Variants in EPAS1 observed in about 807,000 individuals in gnomAD.
EPAS1 encodes the protein endothelial PAS domain protein 1.
Under a neutral mutation model 87.9 loss-of-function variants are expected in EPAS1, and 23 were observed. The ratio of observed to expected loss-of-function variants is 0.26; its 90% CI spans 0.19 to 0.37. The LOEUF (loss-of-function observed/expected upper bound fraction) is 0.37, where lower values mean the gene tolerates loss of function less well. Among genes scored for constraint, EPAS1 ranks in the 10% least tolerant of loss-of-function variants. EPAS1 has a pLI of 1.00. For synonymous variants in EPAS1, 508 were observed against 444.3 expected (o/e 1.14, Z -1.80); for missense variants, 1,138 against 1,120.7 (o/e 1.02, Z -0.22).
chr2:46,380,551 C>A lies in EPAS1; in HGVS notation c.1879C>A (p.Pro627Thr). 6.2e-7 allele frequency: 1 copy of A among 1,614,188 alleles called. No individual in the cohort carries two copies. The highest frequency in any genetic ancestry group is 1.7e-5 in the Admixed American group (1 of 60,032). Residue 627 changes from proline (P) to threonine (T), a missense_variant, in exon 12 of 16, where the codon CCT becomes ACT. Physicochemically the swap from Pro to Thr is conservative, Grantham distance 38. Transcript: ENST00000263734. This position sits in a 1 kb window ranked among gnomAD's most constrained non-coding sequence, Gnocchi z 4.4. ...LPPCCGQASTPLSSMGGRSNT... is the reference protein window; with the variant it reads ...LPPCCGQASTTLSSMGGRSNT... ...ACCGTGCTGTGGCCAGGCCAGCACC[C>A]CTCTCTCTTCCATGGGGGGCAGATC...
At chr2:46,359,724 G>A (rs771699599) in intron 4 of EPAS1, among the ~76,000 whole-genome samples, 3 of 152,076 alleles carry the variant, frequency 2.0e-5, no homozygotes, top group African/African-American at 4.8e-5. Context: ...GTGACTATTC[G>A]AAACAAGGCT....
chr2:46,309,890 G>T (rs866356934), intron 1 of EPAS1, among the ~76,000 whole-genome samples: 119 of 152,302 alleles, frequency 7.8e-4, no homozygotes, highest in African/African-American at 2.7e-3. Flanking sequence ...ATGAGAAGCT[G>T]CTCAGGGCAT....
intron 6 of EPAS1, among the ~76,000 whole-genome samples, chr2:46,368,894 G>A (rs1342597139): frequency 6.6e-6 from 1 of 152,184 alleles, no homozygotes; most frequent in Non-Finnish European, 1.5e-5. Flanking sequence ...GGGTAAAGCG[G>A]CCAACCTGGT....
At chr2:46,369,170 C>T (rs1044370005) in intron 6 of EPAS1, among the ~76,000 whole-genome samples, 5 of 152,172 alleles carry the variant, frequency 3.3e-5, no homozygotes, top group East Asian at 1.9e-4. Context: ...TTGCCTCCCT[C>T]GTTTCCTTGA....
At chr2:46,335,507 GT>G (rs1364995395) in intron 1 of EPAS1, among the ~76,000 whole-genome samples, 1 of 150,828 alleles carries the variant, frequency 6.6e-6, no homozygotes, top group Non-Finnish European at 1.5e-5. Context: ...GTCCAGCTCT[GT>G]TTTCTCATGA....
intron 1 of EPAS1, among the ~76,000 whole-genome samples, chr2:46,332,231 C>G (rs1425121056): frequency 6.0e-5 from 9 of 149,948 alleles, no homozygotes. Context: ...TTTCAGTTCC[C>G]TGTCACCTGT....
At position 46,356,142 on chromosome 2, in the gene EPAS1, C is replaced by CCT. The variant is rs1553394876; in HGVS notation, c.218-8_218-7dup. The CCT allele has an allele frequency of 1.4e-3, 1,916 of 1,374,212 alleles. 11 individuals carry two copies. The highest frequency in any genetic ancestry group is 8.2e-3 in the African/African-American group (586 of 71,504). The allele number at this position is 1,374,212 out of a possible 1,614,324, so 85.1% of individuals were successfully genotyped here. A position where few individuals can be genotyped will look rare whatever the true frequency, so the allele number is the denominator to read the frequency against. On this transcript the variant is annotated splice_polypyrimidine_tract_variant and intron_variant, in intron 2 of 15. Transcript: ENST00000263734. The stretch of plus-strand genomic sequence containing the variant: ...TCATGCAAGCTGTCCCACCCCCCCC[C>CCT]CTTTCCAGTTTGCTCTGAAAACGAG...
intron 1 of EPAS1, among the ~76,000 whole-genome samples, chr2:46,322,230 C>A (rs1247241266): frequency 6.6e-6 from 1 of 152,196 alleles, no homozygotes; most frequent in East Asian, 1.9e-4. Flanking sequence ...CCCTCCTCTT[C>A]TCCACCCGCT....
At chr2:46,359,067 TG>T (rs1310669996) in intron 4 of EPAS1, among the ~76,000 whole-genome samples, 1 of 151,952 alleles carries the variant, frequency 6.6e-6, no homozygotes, top group East Asian at 1.9e-4. Flanking sequence ...GAGACCATCC[TG>T]GCCAACATGG....
At chr2:46,298,214 T>C (rs1682925922) in intron 1 of EPAS1, among the ~76,000 whole-genome samples, 1 of 152,166 alleles carries the variant, frequency 6.6e-6, no homozygotes, top group Admixed American at 6.5e-5. Context: ...TCGGAGGTGC[T>C]TCCGCGGTGC....
chr2:46,375,059 G>A lies in EPAS1; in HGVS notation c.887-631G>A, dbSNP rs1389298009. 1.3e-5 allele frequency among the ~76,000 whole-genome samples: 2 copies of A among 152,030 alleles called. No homozygotes were observed. The highest frequency in any genetic ancestry group is 2.9e-5 in the Non-Finnish European group (2 of 68,002). On this transcript the variant is annotated intron_variant, in intron 7 of 15. Transcript: ENST00000263734. This position sits in a 1 kb window ranked among gnomAD's most constrained non-coding sequence, Gnocchi z 4.1. ...GTGGTTTGCCTCTGCCTTTGCTGTG[G>A]GTCACAAACCTTCAGTGGCCCAAAA...
intron 1 of EPAS1, among the ~76,000 whole-genome samples, chr2:46,321,516 T>G (rs1683453875): frequency 6.6e-6 from 1 of 152,238 alleles, no homozygotes; most frequent in African/African-American, 2.4e-5. Context: ...GTTTCTTCAT[T>G]TCCCTGCTAA....
rs1254046757 is a variant in EPAS1, at chr2:46,384,832, C to G, written c.*172C>G. 2 of 712,870 alleles carry G rather than the reference C, an allele frequency of 2.8e-6. No individual in the cohort carries two copies. Among genetic ancestry groups the G allele is most frequent in the African/African-American group, 1.8e-5 (1 of 56,126 alleles). The allele number at this position is 712,870 out of a possible 1,614,324, so 44.2% of individuals were successfully genotyped here. A position where few individuals can be genotyped will look rare whatever the true frequency, so the allele number is the denominator to read the frequency against. On this transcript the variant is annotated 3_prime_UTR_variant, in exon 16 of 16. Transcript: ENST00000263734. Reference sequence around the variant, plus strand: ...CAGTGGCCTTTTTCTGAGATGCTCACTTTATTATCCCTATTTTTAAAGTAC... The same window carrying G: ...CAGTGGCCTTTTTCTGAGATGCTCAGTTTATTATCCCTATTTTTAAAGTAC...
At chr2:46,381,160 T>A in intron 12 of EPAS1, 1 of 344,714 alleles carries the variant, frequency 2.9e-6, no homozygotes. Flanking sequence ...AGAAATGCCT[T>A]CCCATCTCCC....
chr2:46,316,157 A>G (rs903686752), intron 1 of EPAS1, among the ~76,000 whole-genome samples: 8 of 152,054 alleles, frequency 5.3e-5, no homozygotes, highest in African/African-American at 1.9e-4. Flanking sequence ...AGTAAAGTGA[A>G]TATCACAATA....
At chr2:46,356,833 T>C in intron 4 of EPAS1, 25 bp downstream of exon 4, 1 of 1,558,746 alleles carries the variant, frequency 6.4e-7, no homozygotes, top group Non-Finnish European at 8.9e-7. Flanking sequence ...GTTTACTTCC[T>C]TCTTGCCCCC....
intron 1 of EPAS1, among the ~76,000 whole-genome samples, chr2:46,312,594 C>T (rs1683235260): frequency 6.6e-6 from 1 of 152,244 alleles, no homozygotes; most frequent in Non-Finnish European, 1.5e-5. Flanking sequence ...ACATTATTGC[C>T]TGTTGATGTG....
chr2:46,307,284 G>T (rs1338247087), intron 1 of EPAS1, among the ~76,000 whole-genome samples: 1 of 152,164 alleles, frequency 6.6e-6, no homozygotes, highest in African/African-American at 2.4e-5. Flanking sequence ...CTGGGGCCTG[G>T]GTTTGGAGCA....
intron 2 of EPAS1, among the ~76,000 whole-genome samples, chr2:46,351,268 A>G (rs1335470528): frequency 6.6e-6 from 1 of 152,258 alleles, no homozygotes; most frequent in East Asian, 1.9e-4. Flanking sequence ...CTCGTCAGTC[A>G]ACAGGTGTTT....
Sources: gnomAD v4.1 joint callset for allele counts (sites outside exome capture counted in the v4.1 genomes callset) on GRCh38, gnomAD v4.1.1 for gene constraint, Gnocchi (gnomAD v3.1) non-coding constraint, MANE v1.5 for transcripts, NCBI Gene and HGNC (gene_info 2026-07-23, HGNC 2026-07-21) for gene names.